The following BBS9 variants were observed in gnomAD, a reference collection of about 807,000 sequenced individuals.
The protein encoded by BBS9 is Bardet-Biedl syndrome 9, also known as protein PTHB1.
Under a neutral mutation model 117.7 loss-of-function variants are expected in BBS9, and 89 were observed. The ratio of observed to expected loss-of-function variants is 0.76; its 90% CI spans 0.64 to 0.90. The LOEUF (loss-of-function observed/expected upper bound fraction) is 0.90, where lower values mean the gene tolerates loss of function less well. Ranked by LOEUF, BBS9 falls within the 40% of genes least tolerant of loss-of-function variation. BBS9 has a pLI of 0.00. For synonymous variants in BBS9, 379 were observed against 370.9 expected, an observed-to-expected ratio of 1.02 and a Z score of -0.25; for missense variants, 982 against 1,042.2, an observed-to-expected ratio of 0.94 and a Z score of 0.80.
intron 21 of BBS9, among the ~76,000 whole-genome samples, chr7:33,624,959 G>A (rs917181905): frequency 2.0e-5 from 3 of 152,064 alleles, no homozygotes; most frequent in East Asian, 1.9e-4. Flanking sequence ...AAATGTGTAC[G>A]GCCATAATTG....
rs375695546 is a variant in BBS9, at chr7:33,518,732, T to C, written c.2298+13087T>C. Among the ~76,000 whole-genome samples, 42 of 152,290 alleles carry C rather than the reference T, an allele frequency of 2.8e-4. No homozygotes were observed. In the South Asian group the frequency reaches 3.7e-3, roughly 14 times the overall value. ...AATTTAAACTTTATTTGATAGACAATGATATTTAAAATTAGGATGAATGTG... is the reference window on the plus strand; with the variant it reads ...AATTTAAACTTTATTTGATAGACAACGATATTTAAAATTAGGATGAATGTG... On this transcript the variant is annotated intron_variant, in intron 20 of 22. Transcript: ENST00000242067.
intron 19 of BBS9, among the ~76,000 whole-genome samples, chr7:33,486,490 G>A (rs1239333489): frequency 6.6e-6 from 1 of 152,108 alleles, no homozygotes; most frequent in Non-Finnish European, 1.5e-5. Flanking sequence ...AACCTAAATG[G>A]ATCCTGTTAA....
intron 19 of BBS9, among the ~76,000 whole-genome samples, chr7:33,453,778 C>T (rs535285926): frequency 6.6e-6 from 1 of 152,272 alleles, no homozygotes; most frequent in African/African-American, 2.4e-5. Context: ...CCTCGGCCTC[C>T]CAAAGTGCTG....
chr7:33,411,090 G>A (rs1584724994), intron 19 of BBS9, among the ~76,000 whole-genome samples: 1 of 137,294 alleles, frequency 7.3e-6, no homozygotes, highest in South Asian at 2.4e-4. Flanking sequence ...ATAATTATAT[G>A]CAGAAATGCA....
chr7:33,348,891 G>T (rs1277928220), intron 12 of BBS9, among the ~76,000 whole-genome samples, 177 bp from the exon 13 acceptor site: 1 of 152,028 alleles, frequency 6.6e-6, no homozygotes, highest in Admixed American at 6.6e-5. Context: ...TTTGTGCACA[G>T]TTTCTACTTG....
chr7:33,344,584 G>A lies in BBS9; in HGVS notation c.1279G>A (p.Ala427Thr). Residue 427 changes from alanine to threonine, a missense_variant, in exon 12 of 23, where the codon GCG (alanine) becomes ACG (threonine). Physicochemically the swap from Ala to Thr is moderately conservative, Grantham distance 58. Transcript: ENST00000242067. ...CTTCTCAATTCTGTGTTTACAGCAA[G>A]CGACCGATGTTGAGGTGGGAACTGA... ...VSPNFDSVSQ[A>T]TDVEVGTDLV... is the part of the protein sequence containing the mutation. 1 of 1,614,060 alleles carries A rather than the reference G, an allele frequency of 6.2e-7. No homozygotes were observed.
At chr7:33,394,591 T>G (rs527870022) in intron 19 of BBS9, among the ~76,000 whole-genome samples, 1 of 152,262 alleles carries the variant, frequency 6.6e-6, no homozygotes, top group South Asian at 2.1e-4. Context: ...AAAATATCAT[T>G]CTTTTTGAAA....
rs184229422 is a variant in BBS9, at chr7:33,356,257, A to G, written c.1553-1598A>G. On this transcript the variant is annotated intron_variant, in intron 15 of 22. Coordinates refer to ENST00000242067, the MANE Select transcript of BBS9 (RefSeq NM_198428.3). Reference sequence around the variant, plus strand: ...CATAATTTGAGGATATATAGAGTATATGGAAATTTCCTTGAAGTTGGAGAA... The same window carrying G: ...CATAATTTGAGGATATATAGAGTATGTGGAAATTTCCTTGAAGTTGGAGAA... Among the ~76,000 whole-genome samples, 19 of 151,946 alleles carry G rather than the reference A, an allele frequency of 1.3e-4. No individual in the cohort carries two copies. In the East Asian group the frequency reaches 3.7e-3, roughly 29 times the overall value.
intron 5 of BBS9, among the ~76,000 whole-genome samples, chr7:33,254,600 G>A (rs1273173980): frequency 6.6e-6 from 1 of 152,050 alleles, no homozygotes; most frequent in Non-Finnish European, 1.5e-5. Context: ...TGTGCATTAG[G>A]TCTCCAGAAC....
At chr7:33,540,162 G>T (rs772267596) in intron 21 of BBS9, among the ~76,000 whole-genome samples, 2 of 152,316 alleles carry the variant, frequency 1.3e-5, no homozygotes, top group East Asian at 3.9e-4. Flanking sequence ...CTAATGTGAC[G>T]TTTCAAAGCA....
chr7:33,429,903 G>T (rs1584795306), intron 19 of BBS9, among the ~76,000 whole-genome samples: 1 of 152,004 alleles, frequency 6.6e-6, no homozygotes, highest in Non-Finnish European at 1.5e-5. Context: ...TTTTTTCTGA[G>T]ACCAGCTTCT....
intron 9 of BBS9, among the ~76,000 whole-genome samples, chr7:33,296,749 AG>A (rs1237948220): frequency 6.6e-6 from 1 of 152,158 alleles, no homozygotes; most frequent in Admixed American, 6.6e-5. Flanking sequence ...TGAAGATTAA[AG>A]GCCCATGGCC....
chr7:33,286,899 T>A lies in BBS9; in HGVS notation c.1016+12943T>A, dbSNP rs185676002. ...TCTGTTTCCCAGAGGAAAAAGTTTATATTTTCTTAGTTGCTTACTGTAATA... is the reference window on the plus strand; with the variant it reads ...TCTGTTTCCCAGAGGAAAAAGTTTAAATTTTCTTAGTTGCTTACTGTAATA... On this transcript the variant is annotated intron_variant, in intron 9 of 22. Transcript: ENST00000242067. 1.4e-3 allele frequency among the ~76,000 whole-genome samples: 210 copies of A among 152,288 alleles called. 1 individual carries two copies. Among genetic ancestry groups the A allele is most frequent in the African/African-American group, 4.6e-3 (192 of 41,564 alleles).
At chr7:33,420,594 G>C (rs895856366) in intron 19 of BBS9, among the ~76,000 whole-genome samples, 2 of 152,098 alleles carry the variant, frequency 1.3e-5, no homozygotes, top group African/African-American at 4.8e-5. Flanking sequence ...CCCTACTCTT[G>C]TTTGATAGCA....
At chr7:33,324,568 T>C (rs1812443841) in intron 9 of BBS9, among the ~76,000 whole-genome samples, 1 of 151,986 alleles carries the variant, frequency 6.6e-6, no homozygotes, top group South Asian at 2.1e-4. Flanking sequence ...GTTTTGTACC[T>C]TCAGATGATT....
intron 5 of BBS9, among the ~76,000 whole-genome samples, chr7:33,203,767 G>A (rs957325443): frequency 2.0e-5 from 3 of 149,850 alleles, no homozygotes; most frequent in Non-Finnish European, 4.4e-5. Flanking sequence ...CTGTCACCCA[G>A]GCTGGAGTGC....
chr7:33,337,457 A>G (rs1322859803), intron 10 of BBS9, among the ~76,000 whole-genome samples: 1 of 152,142 alleles, frequency 6.6e-6, no homozygotes, highest in Non-Finnish European at 1.5e-5. Flanking sequence ...TCCTGATCCA[A>G]TCATTTTACT....
chr7:33,224,711 T>A (rs945752034), intron 5 of BBS9, among the ~76,000 whole-genome samples: 1 of 152,218 alleles, frequency 6.6e-6, no homozygotes, highest in Non-Finnish European at 1.5e-5. Context: ...CACAGTGTCT[T>A]GTAAATGTGT....
At chr7:33,321,085 A>G (rs1811617690) in intron 9 of BBS9, among the ~76,000 whole-genome samples, 1 of 151,830 alleles carries the variant, frequency 6.6e-6, no homozygotes, top group South Asian at 2.1e-4. Flanking sequence ...CTTCTGTTCC[A>G]TTGGTCTTTG....
Sources: allele counts gnomAD v4.1 joint callset (sites outside exome capture counted in the v4.1 genomes callset), GRCh38; gene constraint gnomAD v4.1.1; transcripts MANE v1.5; gene names NCBI Gene and HGNC (gene_info 2026-07-23, HGNC 2026-07-21).